The following SLC39A10 variants were observed in gnomAD, a reference collection of about 807,000 sequenced individuals.
SLC39A10 encodes the protein solute carrier family 39 member 10.
SLC39A10 carries 13 observed loss-of-function variants against 65.1 expected under a neutral mutation model. That is an observed-to-expected ratio of 0.20 (90% confidence interval 0.13 to 0.32). The LOEUF is 0.32. Among genes scored for constraint, SLC39A10 ranks in the 10% least tolerant of loss-of-function variants. The pLI, the probability that SLC39A10 is intolerant of heterozygous loss-of-function variation, is 1.00. For missense variants in SLC39A10, 831 were observed against 1,018.4 expected (o/e 0.82, Z 2.50); for synonymous variants, 321 against 342.2 (o/e 0.94, Z 0.68).
intron 3 of SLC39A10, among the ~76,000 whole-genome samples, chr2:195,705,302 A>G (rs1436626377): frequency 6.6e-6 from 1 of 152,148 alleles, no homozygotes; most frequent in Non-Finnish European, 1.5e-5. Context: ...CTCTTAGGTT[A>G]CCTATATTTA....
chr2:195,671,953 G>A (rs2375524), intron 1 of SLC39A10, among the ~76,000 whole-genome samples: 78,361 of 151,472 alleles, frequency 0.52, 20,946 homozygotes, highest in Non-Finnish European at 0.6. Flanking sequence ...GACCCGGAGC[G>A]GTCATCTTTT....
intron 1 of SLC39A10, among the ~76,000 whole-genome samples, chr2:195,671,374 T>C (rs1253655917): frequency 6.6e-6 from 1 of 152,202 alleles, no homozygotes; most frequent in Non-Finnish European, 1.5e-5. Flanking sequence ...CTGCTAGTTA[T>C]TTACCGGAAT....
At chr2:195,731,768 G>A (rs1332335011) in intron 9 of SLC39A10, among the ~76,000 whole-genome samples, 2 of 152,126 alleles carry the variant, frequency 1.3e-5, no homozygotes, top group African/African-American at 4.8e-5. Flanking sequence ...AAAAAAATCC[G>A]AGCTGAGTCC....
Position 195,624,742 on chromosome 2 carries a change from G to C in SLC39A10, c.-12+18509G>C, listed in dbSNP as rs182186402. ...GTACAAATATTAGCCGGATGTGGTC[G>C]ATGGCGGGCGCCTGTAATCCCAGCT... is the stretch of plus-strand genomic sequence containing the variant. On this transcript the variant is annotated intron_variant, in intron 2 of 2. Coordinates refer to the SLC39A10 transcript ENST00000458054. Among the ~76,000 whole-genome samples the C allele has an allele frequency of 3.1e-3, 472 of 151,778 alleles. 14 individuals are homozygous for C. The highest frequency in any genetic ancestry group is 0.03 in the Admixed American group (450 of 15,232).
chr2:195,733,629 C>T (rs1183760595), intron 9 of SLC39A10, among the ~76,000 whole-genome samples: 1 of 152,084 alleles, frequency 6.6e-6, no homozygotes, highest in African/African-American at 2.4e-5. Context: ...CTCCTGGGTT[C>T]AAGCAGTTCT....
At chr2:195,703,166 C>G (rs1383878232) in intron 3 of SLC39A10, among the ~76,000 whole-genome samples, 2 of 152,102 alleles carry the variant, frequency 1.3e-5, no homozygotes, top group African/African-American at 2.4e-5. Flanking sequence ...CTAATGAGCT[C>G]AGTTTGAGAA....
chr2:195,622,456 T>C (rs746090806), intron 2 of SLC39A10, among the ~76,000 whole-genome samples: 1 of 152,220 alleles, frequency 6.6e-6, no homozygotes, highest in African/African-American at 2.4e-5. Flanking sequence ...GATTTCAACA[T>C]TCCCGGAAGT....
chr2:195,659,982 ACTT>A (rs907316398), intron 1 of SLC39A10, among the ~76,000 whole-genome samples: 2 of 151,940 alleles, frequency 1.3e-5, no homozygotes, highest in African/African-American at 4.8e-5. Context: ...ATTTATTTCT[ACTT>A]CTCTTCCATT....
rs1692693840 is a variant in SLC39A10 at position 195,737,541 on chromosome 2, A to ACTT, written c.*2501_*2503dup. ...AGGTGATTCTTGCTAAAATATCTAAACTTTTGTTTTGTTTTAACTGAATCA... is the reference window on the plus strand; with the variant it reads ...AGGTGATTCTTGCTAAAATATCTAAACTTCTTTTGTTTTGTTTTAACTGAATCA... On this transcript the variant is annotated 3_prime_UTR_variant, in exon 10 of 10. Transcript: ENST00000359634. 2 of 172,122 alleles carry ACTT rather than the reference A, an allele frequency of 1.2e-5. No individual in the cohort carries two copies. Among genetic ancestry groups the ACTT allele is most frequent in the Non-Finnish European group, 1.3e-5 (1 of 79,430 alleles). 10.7% of individuals were successfully genotyped at this position (172,122 alleles called of 1,614,324 possible).
At chr2:195,727,975 T>A (rs573818157) in intron 8 of SLC39A10, among the ~76,000 whole-genome samples, 184 bp from the exon 9 acceptor site, 1 of 152,344 alleles carries the variant, frequency 6.6e-6, no homozygotes, top group Middle Eastern at 3.4e-3. Context: ...GTATCATGCC[T>A]TTGAGATTCA....
At chr2:195,641,773 C>T (rs1316044728) in intron 2 of SLC39A10, among the ~76,000 whole-genome samples, 4 of 149,644 alleles carry the variant, frequency 2.7e-5, no homozygotes, top group African/African-American at 9.8e-5. Flanking sequence ...CTCACTGCAA[C>T]CTCCGCCTCC....
intron 2 of SLC39A10, among the ~76,000 whole-genome samples, chr2:195,636,765 TAA>T (rs1156561690): frequency 6.6e-6 from 1 of 150,970 alleles, no homozygotes; most frequent in Non-Finnish European, 1.5e-5. Flanking sequence ...GAAAAAAAAT[TAA>T]AAAGTTTTAA....
rs1692625224 is a variant in SLC39A10, at chr2:195,736,771, C to T, written c.*1730C>T. ...AGTTTTATATATAATTAATTTTCAG[C>T]ATTGGGCACTGAATTAGGACAGTCC... On this transcript the variant is annotated 3_prime_UTR_variant, in exon 10 of 10. Coordinates refer to ENST00000359634, the MANE Select transcript of SLC39A10 (RefSeq NM_020342.3). 1 of 152,576 alleles carries T rather than the reference C, an allele frequency of 6.6e-6. No homozygotes were observed. 9.5% of individuals were successfully genotyped at this position (152,576 alleles called of 1,614,324 possible).
intron 1 of SLC39A10, 51 bp downstream of exon 1, chr2:195,657,332 C>A (rs1689183082): frequency 2.1e-6 from 2 of 957,522 alleles, no homozygotes; most frequent in African/African-American, 3.5e-5. Flanking sequence ...GAACCGGCCC[C>A]GTGCGCGGCG....
At chr2:195,698,914 A>T (rs1691078512) in intron 3 of SLC39A10, among the ~76,000 whole-genome samples, 1 of 152,034 alleles carries the variant, frequency 6.6e-6, no homozygotes, top group Middle Eastern at 3.4e-3. Flanking sequence ...AATGTTAGGT[A>T]GAATTTATCA....
intron 3 of SLC39A10, 39 bp downstream of exon 3, chr2:195,683,945 C>A: frequency 7.4e-7 from 1 of 1,355,210 alleles, no homozygotes; most frequent in Non-Finnish European, 1.0e-6. Context: ...TAAAATAGTA[C>A]CTGTACTTAC....
chr2:195,698,976 C>G (rs1452217617), intron 3 of SLC39A10, among the ~76,000 whole-genome samples: 1 of 151,862 alleles, frequency 6.6e-6, no homozygotes, highest in Non-Finnish European at 1.5e-5. Context: ...TTCAGTCTTA[C>G]CAGTTATAGT....
chr2:195,709,230 T>C (rs973309061), intron 5 of SLC39A10, among the ~76,000 whole-genome samples: 6 of 150,972 alleles, frequency 4.0e-5, no homozygotes, highest in Admixed American at 2.0e-4. Context: ...TATGTATGTA[T>C]GTATGTATGT....
rs142362457 is a variant in SLC39A10 at position 195,717,330 on chromosome 2, T to G, written c.2065+325T>G. ...TATCCCTAAAAGAGAACAGTTTAAT[T>G]TCAATCCTAGGTTTAATAAATTTGC... On this transcript the variant is annotated intron_variant, in intron 7 of 9. Coordinates refer to ENST00000359634, the MANE Select transcript of SLC39A10 (RefSeq NM_020342.3). 4.2e-4 allele frequency: 83 copies of G among 197,880 alleles called. 2 individuals are homozygous for G. Among genetic ancestry groups the G allele is most frequent in the African/African-American group, 1.9e-3 (82 of 43,284 alleles). 12.3% of individuals were successfully genotyped at this position (197,880 alleles called of 1,614,324 possible).
Sources: gnomAD v4.1 joint callset for allele counts (sites outside exome capture counted in the v4.1 genomes callset) on GRCh38, gnomAD v4.1.1 for gene constraint, MANE v1.5 for transcripts, NCBI Gene and HGNC (gene_info 2026-07-23, HGNC 2026-07-21) for gene names.